MRTFA: variants seen among roughly 807,000 people sequenced by gnomAD.
MRTFA encodes the protein myocardin-related transcription factor A.
A neutral mutation model predicts 83.5 loss-of-function variants in MRTFA; 20 were observed. The ratio of observed to expected loss-of-function variants is 0.24; its 90% confidence interval spans 0.17 to 0.35. MRTFA has a LOEUF of 0.35. MRTFA is among the 10% of genes least tolerant of loss of function. The pLI, the probability that MRTFA is intolerant of heterozygous loss-of-function variation, is 1.00. For missense variants in MRTFA, 1,200 were observed against 1,224.7 expected, an observed-to-expected ratio of 0.98 and a Z score of 0.30; for synonymous variants, 659 against 541.2, an observed-to-expected ratio of 1.22 and a Z score of -3.02.
At chr22:40,583,793 G>GC (rs1325999591) in intron 2 of MRTFA, among the ~76,000 whole-genome samples, 1 of 152,076 alleles carries the variant, frequency 6.6e-6, no homozygotes, top group Non-Finnish European at 1.5e-5. Flanking sequence ...CCAAAACCTT[G>GC]CCCCCCTGCC....
At chr22:40,449,925 T>G (rs1312217042) in intron 4 of MRTFA, among the ~76,000 whole-genome samples, 1 of 152,212 alleles carries the variant, frequency 6.6e-6, no homozygotes, top group Non-Finnish European at 1.5e-5. Flanking sequence ...AGTCACCCAA[T>G]GGAAAGCAGC....
intron 1 of MRTFA, among the ~76,000 whole-genome samples, chr22:40,614,511 G>A (rs930907543): frequency 3.3e-5 from 5 of 152,022 alleles, no homozygotes; most frequent in East Asian, 1.9e-4. Context: ...CTTTTGAGAC[G>A]GAGTTTCGCT....
intron 3 of MRTFA, among the ~76,000 whole-genome samples, chr22:40,514,809 T>C (rs2054729517): frequency 6.6e-6 from 1 of 151,946 alleles, no homozygotes; most frequent in Non-Finnish European, 1.5e-5. Context: ...GAACGGTTTG[T>C]ACATGCTCTT....
chr22:40,489,482 A>T (rs953939132), intron 3 of MRTFA, among the ~76,000 whole-genome samples: 7 of 143,496 alleles, frequency 4.9e-5, no homozygotes, highest in African/African-American at 1.8e-4. Context: ...TAATTTTTTC[A>T]TTTTTTTTTT....
intron 4 of MRTFA, among the ~76,000 whole-genome samples, chr22:40,439,359 G>A (rs1461798171): frequency 5.9e-5 from 9 of 151,982 alleles, no homozygotes; most frequent in Admixed American, 5.9e-4. Flanking sequence ...AGAAAAATTA[G>A]TCAGGCATGG....
chr22:40,622,880 G>A (rs1188750945), intron 1 of MRTFA, among the ~76,000 whole-genome samples: 1 of 152,190 alleles, frequency 6.6e-6, no homozygotes, highest in Non-Finnish European at 1.5e-5. Context: ...TTGGAAGAGG[G>A]TGATTATGGT....
chr22:40,489,428 C>T (rs2054233161), intron 3 of MRTFA, among the ~76,000 whole-genome samples: 1 of 151,712 alleles, frequency 6.6e-6, no homozygotes, highest in East Asian at 1.9e-4. Flanking sequence ...TGGTTCTAGC[C>T]TCCTGTGTAG....
Position 40,431,433 on chromosome 22 carries a change from C to A in MRTFA, c.411G>T (p.Ser137=). ...CCAAAATGTGCATCCTGACCAGCTC[C>A]GATCTCTCCGGCCGGGAACGAATCT... The change falls in exon 6 of 15, where the codon TCG becomes TCT. Residue 137 remains serine, a synonymous_variant. Coordinates refer to ENST00000355630, the MANE Select transcript of MRTFA (RefSeq NM_020831.6). 1 of 1,614,100 alleles carries A rather than the reference C, an allele frequency of 6.2e-7. No individual in the cohort carries two copies.
intron 3 of MRTFA, among the ~76,000 whole-genome samples, chr22:40,488,139 T>A (rs570812109): frequency 8.6e-5 from 13 of 151,998 alleles, no homozygotes; most frequent in Non-Finnish European, 1.9e-4. Context: ...ATTACTAGAG[T>A]ACAAAAGGGA....
chr22:40,527,328 G>A (rs2054993625), intron 3 of MRTFA, among the ~76,000 whole-genome samples: 1 of 151,536 alleles, frequency 6.6e-6, no homozygotes, highest in Non-Finnish European at 1.5e-5. Flanking sequence ...CTGATACCAT[G>A]AGCTCAGCCT....
intron 1 of MRTFA, among the ~76,000 whole-genome samples, chr22:40,599,827 A>G (rs1436545489): frequency 3.3e-5 from 5 of 151,492 alleles, no homozygotes; most frequent in Admixed American, 2.0e-4. Flanking sequence ...TGACCCCGGG[A>G]GGTTGAGGCC....
intron 3 of MRTFA, among the ~76,000 whole-genome samples, chr22:40,543,334 C>G (rs139570126): frequency 1.3e-5 from 2 of 152,012 alleles, no homozygotes; most frequent in Non-Finnish European, 2.9e-5. Context: ...CAGTTCGTAC[C>G]CTTACAGAAA....
intron 1 of MRTFA, among the ~76,000 whole-genome samples, chr22:40,603,396 T>C (rs894682020): frequency 5.3e-5 from 8 of 152,204 alleles, no homozygotes; most frequent in African/African-American, 4.8e-5. Context: ...ATCTCTGACA[T>C]AGGAGTTTTT....
At chr22:40,466,062 G>A (rs912618503) in intron 3 of MRTFA, among the ~76,000 whole-genome samples, 3 of 152,158 alleles carry the variant, frequency 2.0e-5, no homozygotes, top group East Asian at 3.8e-4. Context: ...TAACAGGAGT[G>A]GAGTGTGATC....
At chr22:40,593,748 C>CT (rs1195615200) in intron 2 of MRTFA, among the ~76,000 whole-genome samples, 2 of 152,212 alleles carry the variant, frequency 1.3e-5, no homozygotes, top group Non-Finnish European at 2.9e-5. Flanking sequence ...TCTCAAGAAC[C>CT]TGTGCTAAGT....
chr22:40,501,705 A>G (rs1405861750), intron 3 of MRTFA, among the ~76,000 whole-genome samples: 2 of 29,452 alleles, frequency 6.8e-5, no homozygotes, highest in African/African-American at 1.5e-4. Flanking sequence ...CCTCCCGGAC[A>G]GGGCGGCTGG....
chr22:40,563,503 GAA>G (rs55787923), intron 2 of MRTFA, among the ~76,000 whole-genome samples: 4 of 89,912 alleles, frequency 4.4e-5, no homozygotes, highest in African/African-American at 4.0e-5. Context: ...CACAGATACA[GAA>G]AAAAAAAAAA....
At chr22:40,498,202 A>C (rs1436105567) in intron 3 of MRTFA, among the ~76,000 whole-genome samples, 1 of 147,466 alleles carries the variant, frequency 6.8e-6, no homozygotes, top group African/African-American at 2.5e-5. Flanking sequence ...AAAATTTACC[A>C]AACAAAATGT....
At chr22:40,487,595 C>T (rs10483205) in intron 3 of MRTFA, among the ~76,000 whole-genome samples, 12,413 of 152,270 alleles carry the variant, frequency 0.082, 788 homozygotes, top group East Asian at 0.24. Flanking sequence ...AATGCCTTGA[C>T]TGGTGTTTCT....
Sources: allele counts gnomAD v4.1 joint callset (sites outside exome capture counted in the v4.1 genomes callset), GRCh38; gene constraint gnomAD v4.1.1; transcripts MANE v1.5; gene names NCBI Gene and HGNC (gene_info 2026-07-23, HGNC 2026-07-21).